Variants in SMCHD1 observed in about 807,000 individuals in gnomAD.
SMCHD1 encodes structural maintenance of chromosomes flexible hinge domain-containing protein 1.
Under a neutral mutation model 254.7 loss-of-function variants are expected in SMCHD1, and 78 were observed. The observed-to-expected ratio is 0.31, with a 90% CI of 0.26 to 0.37. SMCHD1 has a LOEUF of 0.37. Among genes scored for constraint, SMCHD1 ranks in the 10% least tolerant of loss-of-function variants. The probability of loss-of-function intolerance (pLI) is 1.00; values close to 1 mark genes in which losing one functional copy is unlikely to be tolerated. For missense variants in SMCHD1, 1,840 were observed against 2,408.1 expected (o/e 0.76, Z 4.94); for synonymous variants, 766 against 794.9 (o/e 0.96, Z 0.61).
At chr18:2,678,365 A>G (rs2073822329) in intron 5 of SMCHD1, among the ~76,000 whole-genome samples, 1 of 147,902 alleles carries the variant, frequency 6.8e-6, no homozygotes, top group Non-Finnish European at 1.5e-5. Context: ...CAATGGCACA[A>G]TCTTGGCTTA....
chr18:2,774,023 G>A (rs571489099), intron 41 of SMCHD1, among the ~76,000 whole-genome samples: 11 of 152,218 alleles, frequency 7.2e-5, no homozygotes, highest in South Asian at 4.1e-4. Context: ...TTTTAACATC[G>A]TGAATACCTC....
intron 25 of SMCHD1, 142 bp from the exon 26 acceptor site, chr18:2,738,255 C>A: frequency 6.1e-6 from 4 of 656,142 alleles, no homozygotes; most frequent in Admixed American, 3.6e-5. Flanking sequence ...GTATATGAAC[C>A]ACACCGTTTC....
In SMCHD1 at chr18:2,804,884, TATAATCTGA is replaced by T. The variant is rs1307976336; in HGVS notation, c.*2334_*2342del. ...GCCATTTATCCTGTGTTATGTGTTATATAATCTGAAATTTGTCACAATGTTACAATCAGG... is the reference window on the plus strand; with the variant it reads ...GCCATTTATCCTGTGTTATGTGTTATAATTTGTCACAATGTTACAATCAGG... On this transcript the variant is annotated 3_prime_UTR_variant, in exon 48 of 48. Transcript: ENST00000320876. 6.6e-6 allele frequency: 1 copy of T among 152,072 alleles called. No homozygotes were observed. Among genetic ancestry groups the T allele is most frequent in the Non-Finnish European group, 1.5e-5 (1 of 68,002 alleles). 9.4% of individuals were successfully genotyped at this position (152,072 alleles called of 1,614,324 possible).
intron 30 of SMCHD1, among the ~76,000 whole-genome samples, chr18:2,748,052 G>T (rs2075490111): frequency 6.6e-6 from 1 of 152,150 alleles, no homozygotes; most frequent in Admixed American, 6.6e-5. Flanking sequence ...AAGTCTTGCA[G>T]GTACCTATCC....
chr18:2,797,706 C>T (rs145086749), intron 47 of SMCHD1, among the ~76,000 whole-genome samples: 1,758 of 152,290 alleles, frequency 0.012, 45 homozygotes, highest in African/African-American at 0.04. Flanking sequence ...AGGTGGATCA[C>T]CTGAGATCAG....
chr18:2,705,824 T>TA lies in SMCHD1; in HGVS notation c.1956+21dup. 7.1e-7 allele frequency: 1 copy of TA among 1,405,894 alleles called. No individual in the cohort carries two copies. Among genetic ancestry groups the TA allele is most frequent in the Non-Finnish European group, 1.0e-6 (1 of 999,576 alleles). 87.1% of individuals were successfully genotyped at this position (1,405,894 alleles called of 1,614,324 possible). ...ATTGCAATGGTAAGACAGCAAGTGATAAAACATACTGAAAGTTTCTTGATA... is the reference window on the plus strand; with the variant it reads ...ATTGCAATGGTAAGACAGCAAGTGATAAAAACATACTGAAAGTTTCTTGATA... On this transcript the variant is annotated intron_variant, in intron 14 of 47. Transcript: ENST00000320876.
intron 25 of SMCHD1, among the ~76,000 whole-genome samples, chr18:2,736,166 C>T (rs986487113): frequency 9.2e-5 from 14 of 152,170 alleles, no homozygotes; most frequent in Non-Finnish European, 1.6e-4. Flanking sequence ...GAAAGGACTC[C>T]CTATTCAATA....
intron 5 of SMCHD1, among the ~76,000 whole-genome samples, chr18:2,677,095 G>T (rs1428912259): frequency 6.6e-6 from 1 of 151,918 alleles, no homozygotes; most frequent in East Asian, 1.9e-4. Flanking sequence ...CCACAACCTG[G>T]ATCTGAGTGT....
chr18:2,693,552 A>G (rs1289214382), intron 7 of SMCHD1, among the ~76,000 whole-genome samples: 2 of 152,254 alleles, frequency 1.3e-5, no homozygotes, highest in African/African-American at 4.8e-5. Flanking sequence ...TCAATTGTTG[A>G]CAAAAATGTT....
chr18:2,785,096 C>CT, intron 45 of SMCHD1: 1 of 265,052 alleles, frequency 3.8e-6, no homozygotes, highest in East Asian at 1.3e-4. Flanking sequence ...TCTCCTGCCC[C>CT]TTTTTCCCTT....
chr18:2,722,983 C>T (rs777932739), intron 20 of SMCHD1, among the ~76,000 whole-genome samples: 179 of 152,152 alleles, frequency 1.2e-3, no homozygotes, highest in Admixed American at 2.3e-3. Context: ...CATTCTGTGT[C>T]TTCTGTCATC....
rs991267729 is a variant in SMCHD1 at position 2,786,011 on chromosome 18, CTTATTTT to C, written c.5719+1407_5719+1413del. 1.4e-3 allele frequency among the ~76,000 whole-genome samples: 213 copies of C among 151,996 alleles called. 3 individuals are homozygous for C. The highest frequency in any genetic ancestry group is 4.8e-3 in the African/African-American group (197 of 41,472). On this transcript the variant is annotated intron_variant, in intron 45 of 47. Coordinates refer to ENST00000320876, the MANE Select transcript of SMCHD1 (RefSeq NM_015295.3). ...TTTGTTTACTTTTATTTACTTTTTT[CTTATTTT>C]TTATTTTTTATTTTTTTGAGATAGT...
chr18:2,758,397 C>G lies in SMCHD1; in HGVS notation c.4347-2255C>G, dbSNP rs555090191. Among the ~76,000 whole-genome samples, 95 of 152,202 alleles carry G rather than the reference C, an allele frequency of 6.2e-4. 1 individual carries two copies. Among genetic ancestry groups the G allele is most frequent in the Non-Finnish European group, 6.8e-4 (46 of 67,984 alleles). On this transcript the variant is annotated intron_variant, in intron 34 of 47. Coordinates refer to ENST00000320876, the MANE Select transcript of SMCHD1 (RefSeq NM_015295.3). ...TTACCTTCTTAAGCAGTGCATGGAT[C>G]TTAGAACATTTACTTCCATTCCCTT...
At chr18:2,703,427 A>G (rs758186104) in intron 12 of SMCHD1, among the ~76,000 whole-genome samples, 2 of 152,156 alleles carry the variant, frequency 1.3e-5, no homozygotes, top group Non-Finnish European at 2.9e-5. Flanking sequence ...TAGGAATTAA[A>G]GGCGGAAAGG....
chr18:2,732,281 CA>C lies in SMCHD1; in HGVS notation c.3066del (p.Pro1023LeufsTer22). ...RIEIPSCKDV[A>X]PVEKTIKLLP... ...TCTTTCTAGAGTTGTAAAGATGTGGCACCTGTGGAGAAGACTATTAAGTTGC... is the reference window on the plus strand; with the variant it reads ...TCTTTCTAGAGTTGTAAAGATGTGGCCCTGTGGAGAAGACTATTAAGTTGC... On this transcript the variant is annotated frameshift_variant, in exon 25 of 48. Coordinates refer to ENST00000320876, the MANE Select transcript of SMCHD1 (RefSeq NM_015295.3). LOFTEE classifies it high-confidence loss of function. 6.2e-7 allele frequency: 1 copy of C among 1,613,274 alleles called. No homozygotes were observed. Among genetic ancestry groups the C allele is most frequent in the Non-Finnish European group, 8.5e-7 (1 of 1,179,450 alleles).
intron 1 of SMCHD1, among the ~76,000 whole-genome samples, chr18:2,661,885 G>A (rs76591080): frequency 0.2 from 30,831 of 151,840 alleles, 3,357 homozygotes; most frequent in South Asian, 0.33. Context: ...GGCCGGGCGC[G>A]GTGGCTCACG....
chr18:2,750,146 T>G (rs1222141422), intron 31 of SMCHD1, 24 bp downstream of exon 31: 1 of 1,562,572 alleles, frequency 6.4e-7, no homozygotes, highest in South Asian at 1.2e-5. Flanking sequence ...GTTTGATAGT[T>G]GTTGGTGTTA....
intron 35 of SMCHD1, 49 bp from the exon 36 acceptor site, chr18:2,762,056 C>T (rs2075794768): frequency 6.5e-7 from 1 of 1,527,022 alleles, no homozygotes; most frequent in Non-Finnish European, 9.0e-7. Flanking sequence ...CTCTTAAATG[C>T]TAAAGCATCA....
chr18:2,761,040 C>T (rs1870380268), intron 35 of SMCHD1, among the ~76,000 whole-genome samples: 1 of 152,094 alleles, frequency 6.6e-6, no homozygotes, highest in Non-Finnish European at 1.5e-5. Flanking sequence ...TTGCTTATAT[C>T]AACCATGCAT....
Sources: allele counts gnomAD v4.1 joint callset (sites outside exome capture counted in the v4.1 genomes callset), GRCh38; gene constraint gnomAD v4.1.1; transcripts MANE v1.5; gene names NCBI Gene and HGNC (gene_info 2026-07-23, HGNC 2026-07-21).